STUM: variants seen among roughly 807,000 people sequenced by gnomAD.
STUM encodes the protein stum, mechanosensory transduction mediator homolog.
Under a neutral mutation model 15.3 loss-of-function variants are expected in STUM, and 8 were observed. That is an observed-to-expected ratio of 0.52 (90% CI 0.31 to 0.94). STUM has a LOEUF of 0.94. STUM is among the 40% of genes least tolerant of loss of function. STUM has a pLI of 0.05. For synonymous variants in STUM, 78 were observed against 88.7 expected (o/e 0.88, Z 0.68); for missense variants, 142 against 204.9 (o/e 0.69, Z 1.87).
Position 226,548,910 on chromosome 1 carries a change from G to A in STUM, c.6G>A (p.Glu2=). M[E]PSHKDAETAA... ...GCCTGAGAGCGCGCCCGGCCATGGAGCCCTCGCACAAAGACGCCGAGACGG... is the reference window on the plus strand; with the variant it reads ...GCCTGAGAGCGCGCCCGGCCATGGAACCCTCGCACAAAGACGCCGAGACGG... The change falls in exon 1 of 4, where the codon GAG becomes GAA. Residue 2 remains glutamate (E), a synonymous_variant. Transcript: ENST00000366788. 2 of 1,417,820 alleles carry A rather than the reference G, an allele frequency of 1.4e-6. No homozygotes were observed. The highest frequency in any genetic ancestry group is 1.8e-6 in the Non-Finnish European group (2 of 1,094,096). The allele number at this position is 1,417,820 out of a possible 1,614,324, so 87.8% of individuals were successfully genotyped here.
intron 1 of STUM, among the ~76,000 whole-genome samples, chr1:226,574,727 G>A (rs1173570485): frequency 6.6e-6 from 1 of 152,172 alleles, no homozygotes; most frequent in Non-Finnish European, 1.5e-5. Context: ...TGAGAGATGT[G>A]GAGACCTCAC....
In STUM at chr1:226,554,028, AG is replaced by A. The variant is rs373964842; in HGVS notation, c.202+4924del. Among the ~76,000 whole-genome samples, 380 of 152,324 alleles carry A rather than the reference AG, an allele frequency of 2.5e-3. 2 individuals carry two copies. Among genetic ancestry groups the A allele is most frequent in the African/African-American group, 8.9e-3 (372 of 41,576 alleles). On this transcript the variant is annotated intron_variant, in intron 1 of 3. Transcript: ENST00000366788. The stretch of plus-strand genomic sequence containing the variant: ...TGCCATATGGCTTGCCTGCCCTTGT[AG>A]GAGAATACTTCCTCCCCTGTCCACT...
intron 1 of STUM, among the ~76,000 whole-genome samples, chr1:226,581,081 AAAAGAGC>A (rs1667909817): frequency 1.3e-5 from 2 of 152,230 alleles, no homozygotes; most frequent in Admixed American, 1.3e-4. Context: ...ATAGGAAAGG[AAAAGAGC>A]AAAGTCTGGG....
At chr1:226,597,362 G>A (rs770939137) in intron 2 of STUM, 1 of 479,254 alleles carries the variant, frequency 2.1e-6, no homozygotes, top group South Asian at 1.5e-5. Context: ...ATTTTAAGCA[G>A]CTGTGCATGT....
Position 226,602,048 on chromosome 1 carries a change from G to C in STUM, c.*8G>C, listed in dbSNP as rs771588128. 1 of 1,605,144 alleles carries C rather than the reference G, an allele frequency of 6.2e-7. No individual in the cohort carries two copies. Among genetic ancestry groups the C allele is most frequent in the African/African-American group, 1.3e-5 (1 of 74,936 alleles). On this transcript the variant is annotated 3_prime_UTR_variant, in exon 4 of 4. Coordinates refer to ENST00000366788, the MANE Select transcript of STUM (RefSeq NM_001003665.4). ...ATCCCACAGCAGCTGTGAGCCCACGGGAGCCGCTGGGGAGATCCAGGGGGG... is the reference window on the plus strand; with the variant it reads ...ATCCCACAGCAGCTGTGAGCCCACGCGAGCCGCTGGGGAGATCCAGGGGGG...
rs1463144076 is a variant in STUM, at chr1:226,603,152, G to C, written c.*1112G>C. On this transcript the variant is annotated 3_prime_UTR_variant, in exon 4 of 4. Coordinates refer to ENST00000366788, the MANE Select transcript of STUM (RefSeq NM_001003665.4). ...GGGTTTCAGAATTGCAAGAACAATT[G>C]TATGGGGTTGTGGACCTTGATCTGA... 6.6e-6 allele frequency: 1 copy of C among 152,220 alleles called. No homozygotes were observed. The allele number at this position is 152,220 out of a possible 1,614,324, so 9.4% of individuals were successfully genotyped here.
At chr1:226,557,107 T>G (rs535217872) in intron 1 of STUM, among the ~76,000 whole-genome samples, 3 of 152,236 alleles carry the variant, frequency 2.0e-5, no homozygotes, top group African/African-American at 7.2e-5. Flanking sequence ...CATGATTTTG[T>G]ACCTTTTGAC....
At chr1:226,590,143 A>T (rs949899505) in intron 1 of STUM, among the ~76,000 whole-genome samples, 12 of 150,320 alleles carry the variant, frequency 8.0e-5, no homozygotes, top group Non-Finnish European at 1.8e-4. Flanking sequence ...CTTATCCCCT[A>T]CTTGGTTATG....
At chr1:226,570,093 C>T (rs545863630) in intron 1 of STUM, among the ~76,000 whole-genome samples, 15 of 152,314 alleles carry the variant, frequency 9.8e-5, no homozygotes, top group Non-Finnish European at 1.5e-5. Context: ...TCACAAGCCC[C>T]CTGCTGGATG....
chr1:226,557,328 T>G (rs547020028), intron 1 of STUM, among the ~76,000 whole-genome samples: 59 of 152,366 alleles, frequency 3.9e-4, no homozygotes, highest in East Asian at 2.9e-3. Context: ...GGCTGAATAT[T>G]TATATACCGC....
intron 1 of STUM, among the ~76,000 whole-genome samples, chr1:226,587,996 G>T (rs1328041493): frequency 6.6e-6 from 1 of 152,152 alleles, no homozygotes; most frequent in Admixed American, 6.5e-5. Flanking sequence ...AATGTTGAAA[G>T]CCACTCACAG....
intron 1 of STUM, among the ~76,000 whole-genome samples, chr1:226,557,392 C>G (rs1587418): frequency 0.029 from 4,384 of 152,288 alleles, 203 homozygotes; most frequent in African/African-American, 0.099. Context: ...CTGATGGACA[C>G]TTAGGTTGAT....
chr1:226,556,932 A>C (rs11587124), intron 1 of STUM, among the ~76,000 whole-genome samples: 1 of 152,246 alleles, frequency 6.6e-6, no homozygotes, highest in African/African-American at 2.4e-5. Flanking sequence ...TAATTACATC[A>C]AGCTAGTTAA....
intron 1 of STUM, among the ~76,000 whole-genome samples, chr1:226,569,102 G>T (rs1056042781): frequency 6.6e-6 from 1 of 151,450 alleles, no homozygotes; most frequent in African/African-American, 2.4e-5. Context: ...TGGATCCAAC[G>T]GTATCACATG....
chr1:226,602,359 C>A lies in STUM; in HGVS notation c.*319C>A, dbSNP rs768297603. The A allele has an allele frequency of 6.2e-4, 235 of 377,388 alleles. 1 individual carries two copies. Among genetic ancestry groups the A allele is most frequent in the Non-Finnish European group, 4.6e-4 (94 of 204,322 alleles). 23.4% of individuals were successfully genotyped at this position (377,388 alleles called of 1,614,324 possible). ...CCAACTGGCCTTGCTGTACCCACTG[C>A]CCACCGCAAAGGCACGCCACGTCTG... On this transcript the variant is annotated 3_prime_UTR_variant, in exon 4 of 4. Coordinates refer to ENST00000366788, the MANE Select transcript of STUM (RefSeq NM_001003665.4).
rs183843401 is a variant in STUM at position 226,603,771 on chromosome 1, G to A, written c.*1731G>A. 1 of 152,402 alleles carries A rather than the reference G, an allele frequency of 6.6e-6. No homozygotes were observed. The highest frequency in any genetic ancestry group is 2.4e-5 in the African/African-American group (1 of 41,444). 9.4% of individuals were successfully genotyped at this position (152,402 alleles called of 1,614,324 possible). A position where few individuals can be genotyped will look rare whatever the true frequency, so the allele number is the denominator to read the frequency against. The stretch of plus-strand genomic sequence containing the variant: ...CGTCTTCCATTGCTGCCTGGGGCTG[G>A]GCTGCCGTTTTTGAACACCTGGCAG... On this transcript the variant is annotated 3_prime_UTR_variant, in exon 4 of 4. Transcript: ENST00000366788.
intron 1 of STUM, among the ~76,000 whole-genome samples, chr1:226,588,674 G>A (rs1668037075): frequency 6.6e-6 from 1 of 152,188 alleles, no homozygotes; most frequent in Non-Finnish European, 1.5e-5. Flanking sequence ...TGCACAATGA[G>A]GCAAAGATGA....
intron 1 of STUM, among the ~76,000 whole-genome samples, chr1:226,571,621 C>A (rs769160088): frequency 6.6e-5 from 10 of 151,776 alleles, no homozygotes; most frequent in Admixed American, 2.6e-4. Context: ...CCCCTTGGAA[C>A]CTTCTCCCTT....
At chr1:226,582,500 C>T (rs929573599) in intron 1 of STUM, among the ~76,000 whole-genome samples, 1 of 151,642 alleles carries the variant, frequency 6.6e-6, no homozygotes, top group East Asian at 1.9e-4. Context: ...GAGGCTGAAG[C>T]AGGAGAATCA....
Sources: allele counts gnomAD v4.1 joint callset (sites outside exome capture counted in the v4.1 genomes callset), GRCh38; gene constraint gnomAD v4.1.1; transcripts MANE v1.5; gene names NCBI Gene and HGNC (gene_info 2026-07-23, HGNC 2026-07-21).